PRKCQ: variants seen among roughly 807,000 people sequenced by gnomAD.
The protein encoded by PRKCQ is protein kinase C theta, also known as protein kinase C theta type.
A neutral mutation model predicts 91.2 loss-of-function variants in PRKCQ; 41 were observed. The observed-to-expected ratio is 0.45, with a 90% confidence interval of 0.35 to 0.58. PRKCQ has a LOEUF of 0.58. Among genes scored for constraint, PRKCQ ranks in the 20% least tolerant of loss-of-function variants. The pLI is 0.00. For synonymous variants in PRKCQ, 307 were observed against 316.9 expected, an observed-to-expected ratio of 0.97 and a Z score of 0.33; for missense variants, 673 against 896.5, an observed-to-expected ratio of 0.75 and a Z score of 3.18.
At chr10:6,559,273 C>A (rs1241065929) in intron 1 of PRKCQ, among the ~76,000 whole-genome samples, 1 of 152,094 alleles carries the variant, frequency 6.6e-6, no homozygotes, top group Non-Finnish European at 1.5e-5. Flanking sequence ...CTGGTCCCAG[C>A]CCTTGAGGAC....
At chr10:6,510,625 A>G (rs151194515) in intron 3 of PRKCQ, among the ~76,000 whole-genome samples, 101 of 152,340 alleles carry the variant, frequency 6.6e-4, no homozygotes, top group African/African-American at 2.4e-3. Context: ...TTATATACAA[A>G]TATTCTTCCC....
chr10:6,543,024 G>A (rs1839827157), intron 1 of PRKCQ, among the ~76,000 whole-genome samples: 1 of 152,148 alleles, frequency 6.6e-6, no homozygotes, highest in Admixed American at 6.5e-5. Flanking sequence ...CCTTCCTCAG[G>A]GCTCTAAGAA....
intron 1 of PRKCQ, among the ~76,000 whole-genome samples, chr10:6,534,793 GATAT>G (rs755054607): frequency 2.0e-4 from 18 of 91,574 alleles, no homozygotes; most frequent in African/African-American, 5.6e-4. Context: ...TATATATATA[GATAT>G]ATATATATAT....
intron 1 of PRKCQ, among the ~76,000 whole-genome samples, chr10:6,524,728 G>A (rs147732828): frequency 6.6e-6 from 1 of 152,348 alleles, no homozygotes; most frequent in African/African-American, 2.4e-5. Context: ...CAGTACTGAT[G>A]TGAAGAAGGG....
the PRKCQ span, among the ~76,000 whole-genome samples, chr10:6,419,195 C>A: frequency 6.8e-6 from 1 of 146,458 alleles, no homozygotes; most frequent in African/African-American, 2.7e-5. Flanking sequence ...ATCTCTCTAT[C>A]TCTCTATTTG....
At chr10:6,498,070 A>G (rs1157521080) in intron 5 of PRKCQ, among the ~76,000 whole-genome samples, 3 of 152,206 alleles carry the variant, frequency 2.0e-5, no homozygotes, top group African/African-American at 7.2e-5. Flanking sequence ...AGGTGGGGGA[A>G]GTTTTGACTA....
chr10:6,453,815 G>T (rs888040101), intron 15 of PRKCQ, among the ~76,000 whole-genome samples: 1 of 151,576 alleles, frequency 6.6e-6, no homozygotes, highest in Non-Finnish European at 1.5e-5. Context: ...GTAAACTATC[G>T]CAAGGACAAA....
At chr10:6,490,892 G>GTT (rs71391842) in intron 8 of PRKCQ, among the ~76,000 whole-genome samples, 22 of 148,974 alleles carry the variant, frequency 1.5e-4, no homozygotes, top group East Asian at 9.8e-4. Flanking sequence ...GTTCTTGAGG[G>GTT]TTTTTTTTTT....
chr10:6,394,751 T>C, the PRKCQ span, among the ~76,000 whole-genome samples: 1 of 152,254 alleles, frequency 6.6e-6, no homozygotes, highest in African/African-American at 2.4e-5. Flanking sequence ...TCCATGCTGC[T>C]CGCAAGAAGC....
chr10:6,567,351 C>T (rs1298213118), intron 1 of PRKCQ, among the ~76,000 whole-genome samples: 1 of 152,256 alleles, frequency 6.6e-6, no homozygotes, highest in East Asian at 1.9e-4. Flanking sequence ...ATGCTTGGCC[C>T]TAAAGGGCCC....
In PRKCQ at chr10:6,505,181, C is replaced by T. The variant is rs149584744; in HGVS notation, c.379+2255G>A. On this transcript the variant is annotated intron_variant, in intron 4 of 17. Transcript: ENST00000263125. ...TGCTGGGATTACAGGCGTGAGCCAC[C>T]GTGCCCGGCCAAAGCTTTATTCTTA... Among the ~76,000 whole-genome samples the T allele has an allele frequency of 2.2e-3, 342 of 152,274 alleles. 2 individuals carry two copies. Among genetic ancestry groups the T allele is most frequent in the African/African-American group, 7.2e-3 (298 of 41,558 alleles).
chr10:6,415,889 G>T, the PRKCQ span, among the ~76,000 whole-genome samples: 2 of 151,972 alleles, frequency 1.3e-5, no homozygotes, highest in African/African-American at 4.8e-5. Flanking sequence ...GGGATTACAG[G>T]TGTCCTCCAA....
chr10:6,463,882 C>A (rs1264052586), intron 13 of PRKCQ, among the ~76,000 whole-genome samples: 2 of 152,160 alleles, frequency 1.3e-5, no homozygotes, highest in Non-Finnish European at 2.9e-5. Flanking sequence ...GAAGGAGAAG[C>A]TTTGTTCTCA....
intron 4 of PRKCQ, among the ~76,000 whole-genome samples, chr10:6,502,949 A>G (rs1437108356): frequency 6.6e-6 from 1 of 152,236 alleles, no homozygotes; most frequent in Non-Finnish European, 1.5e-5. Flanking sequence ...GAGGTCTGCT[A>G]AGAAGCCAAA....
chr10:6,501,565 T>C (rs1837914521), intron 4 of PRKCQ, among the ~76,000 whole-genome samples: 1 of 151,896 alleles, frequency 6.6e-6, no homozygotes, highest in Non-Finnish European at 1.5e-5. Flanking sequence ...CTTACAACTG[T>C]AATCCCAGCA....
chr10:6,467,252 CG>C (rs1262644921), intron 12 of PRKCQ, among the ~76,000 whole-genome samples: 1 of 151,524 alleles, frequency 6.6e-6, no homozygotes, highest in Non-Finnish European at 1.5e-5. Context: ...CCTGGGCTGC[CG>C]TTTAGGTTCT....
Position 6,430,713 on chromosome 10 carries a change from C to A in PRKCQ, c.1965+97G>T. The A allele has an allele frequency of 6.6e-7, 1 of 1,512,034 alleles. No individual in the cohort carries two copies. The highest frequency in any genetic ancestry group is 2.0e-5 in the Admixed American group (1 of 50,148). 93.7% of individuals were successfully genotyped at this position (1,512,034 alleles called of 1,614,324 possible). ...GTGGGGCTGGTGGGGAGTTGGGGCA[C>A]CGGCAGGGGTGAGCAGCTGCGGTGA... On this transcript the variant is annotated intron_variant, in intron 17 of 17. Coordinates refer to ENST00000263125, the MANE Select transcript of PRKCQ (RefSeq NM_006257.5). The surrounding 1 kb of genome is among the most constrained non-coding windows in gnomAD (Gnocchi z 4.7).
intron 15 of PRKCQ, among the ~76,000 whole-genome samples, chr10:6,448,301 T>A (rs1343539833): frequency 6.6e-6 from 1 of 152,108 alleles, no homozygotes; most frequent in Non-Finnish European, 1.5e-5. Flanking sequence ...AGGTGATTCC[T>A]AAAGCCGGTG....
the PRKCQ span, among the ~76,000 whole-genome samples, chr10:6,420,989 A>AT: frequency 6.6e-6 from 1 of 151,528 alleles, no homozygotes; most frequent in African/African-American, 2.4e-5. Context: ...CTCCCCTTTG[A>AT]TCTTTTTTTC....
Sources: gnomAD v4.1 joint callset for allele counts (sites outside exome capture counted in the v4.1 genomes callset) on GRCh38, gnomAD v4.1.1 for gene constraint, Gnocchi (gnomAD v3.1) non-coding constraint, MANE v1.5 for transcripts, NCBI Gene and HGNC (gene_info 2026-07-23, HGNC 2026-07-21) for gene names.